The following NIPBL variants were observed in gnomAD, a reference collection of about 807,000 sequenced individuals.
NIPBL encodes NIPBL cohesin loading factor.
Under a neutral mutation model 321.8 loss-of-function variants are expected in NIPBL, and 19 were observed. The observed-to-expected ratio is 0.06, with a 90% CI of 0.04 to 0.09. The LOEUF (loss-of-function observed/expected upper bound fraction) is 0.09, where lower values mean the gene tolerates loss of function less well. Among genes scored for constraint, NIPBL ranks in the 10% least tolerant of loss-of-function variants. The probability of loss-of-function intolerance (pLI) is 1.00; values close to 1 mark genes in which losing one functional copy is unlikely to be tolerated. For missense variants in NIPBL, 2,210 were observed against 3,327.0 expected (o/e 0.66, Z 8.26); for synonymous variants, 1,106 against 1,114.1 (o/e 0.99, Z 0.14).
At chr5:36,992,724 TTA>T in intron 10 of NIPBL, among the ~76,000 whole-genome samples, 1 of 142,882 alleles carries the variant, frequency 7.0e-6, no homozygotes, top group African/African-American at 2.5e-5. Context: ...ATTTATTTAT[TTA>T]TTTATTTATT....
intron 24 of NIPBL, among the ~76,000 whole-genome samples, chr5:37,017,608 C>CT (rs60984195): frequency 0.02 from 2,688 of 132,278 alleles, 33 homozygotes; most frequent in Middle Eastern, 0.057. Context: ...TGTTTTATTG[C>CT]TTTTTTTTTT....
chr5:36,921,888 TTTTG>T (rs1448168954), intron 1 of NIPBL, among the ~76,000 whole-genome samples: 20 of 144,822 alleles, frequency 1.4e-4, no homozygotes, highest in Admixed American at 4.9e-4. Flanking sequence ...TTTGGGTTTT[TTTTG>T]TTTTTTTTTT....
At chr5:36,957,875 C>T (rs944492944) in intron 3 of NIPBL, among the ~76,000 whole-genome samples, 2 of 151,660 alleles carry the variant, frequency 1.3e-5, no homozygotes, top group Non-Finnish European at 2.9e-5. Flanking sequence ...CCCAGCTACT[C>T]GGGAGGCTGA....
intron 32 of NIPBL, among the ~76,000 whole-genome samples, chr5:37,033,705 C>CACATATAT (rs1415570935): frequency 1.0e-4 from 8 of 80,240 alleles, no homozygotes; most frequent in Non-Finnish European, 1.6e-4. Flanking sequence ...CACACACACA[C>CACATATAT]ATATATATAT....
At chr5:36,977,558 G>C (rs1365991909) in intron 9 of NIPBL, among the ~76,000 whole-genome samples, 1 of 150,220 alleles carries the variant, frequency 6.7e-6, no homozygotes, top group Non-Finnish European at 1.5e-5. Flanking sequence ...ATTGCTAGAA[G>C]TCTTCATTTT....
intron 1 of NIPBL, among the ~76,000 whole-genome samples, chr5:36,887,199 A>T (rs1372146730): frequency 6.6e-6 from 1 of 152,180 alleles, no homozygotes; most frequent in African/African-American, 2.4e-5. Context: ...TTAATTCTCT[A>T]CCAAGCATGT....
chr5:37,005,539 T>C (rs1420831515), intron 16 of NIPBL, among the ~76,000 whole-genome samples: 1 of 152,152 alleles, frequency 6.6e-6, no homozygotes, highest in Non-Finnish European at 1.5e-5. Context: ...CAAACAGCAA[T>C]GTTCGCATCA....
chr5:36,966,051 A>G (rs1742166950), intron 6 of NIPBL, among the ~76,000 whole-genome samples: 1 of 152,226 alleles, frequency 6.6e-6, no homozygotes, highest in African/African-American at 2.4e-5. Context: ...ATATTCTCCT[A>G]TATAAAAAAT....
chr5:36,984,732 A>G lies in NIPBL; in HGVS notation c.1552A>G (p.Thr518Ala), dbSNP rs745359483. The change falls in exon 10 of 47, where the codon ACA becomes GCA. Residue 518 changes from threonine (T) to alanine (A), a missense_variant. By Grantham distance (58) the Thr-to-Ala change is moderately conservative. Coordinates refer to ENST00000282516, the MANE Select transcript of NIPBL (RefSeq NM_133433.4). ...DSYPQEAGGA[T>A]GGNRPASQET... ...TTACCCACAGGAGGCTGGGGGTGCT[A>G]CAGGAGGTAATAGACCAGCTTCTCA... The G allele has an allele frequency of 1.3e-5, 21 of 1,613,226 alleles. No homozygotes were observed. Among genetic ancestry groups the G allele is most frequent in the Admixed American group, 3.3e-5 (2 of 59,888 alleles).
chr5:36,902,329 T>C (rs973543897), intron 1 of NIPBL, among the ~76,000 whole-genome samples: 1 of 152,196 alleles, frequency 6.6e-6, no homozygotes, highest in Non-Finnish European at 1.5e-5. Flanking sequence ...ATGAAATCTT[T>C]GCCAGGGCTG....
In NIPBL at chr5:37,051,897, T is replaced by G. The variant is rs1464377036; in HGVS notation, c.7062+11T>G. ...GCTGGATTCATTCATGTATGTATTT[T>G]AACATTTTATAACCTAAATTTAAAC... On this transcript the variant is annotated intron_variant, in intron 41 of 46. Coordinates refer to ENST00000282516, the MANE Select transcript of NIPBL (RefSeq NM_133433.4). The G allele has an allele frequency of 1.4e-5, 21 of 1,546,756 alleles. No individual in the cohort carries two copies. Among genetic ancestry groups the G allele is most frequent in the Non-Finnish European group, 1.8e-5 (20 of 1,118,696 alleles).
intron 6 of NIPBL, among the ~76,000 whole-genome samples, chr5:36,965,268 A>C (rs951635590): frequency 1.3e-5 from 2 of 152,158 alleles, no homozygotes; most frequent in Non-Finnish European, 2.9e-5. Flanking sequence ...AAAATATGGA[A>C]TCAACCTAAG....
chr5:37,030,324 T>C (rs945845109), intron 32 of NIPBL, among the ~76,000 whole-genome samples: 1 of 152,300 alleles, frequency 6.6e-6, no homozygotes, highest in East Asian at 1.9e-4. Context: ...ATTGTGACTT[T>C]GTGATATATT....
intron 6 of NIPBL, among the ~76,000 whole-genome samples, chr5:36,966,473 C>T (rs1742215942): frequency 6.6e-6 from 1 of 152,022 alleles, no homozygotes. Flanking sequence ...TTATCATTAT[C>T]ATAAAATGGT....
intron 42 of NIPBL, among the ~76,000 whole-genome samples, chr5:37,053,741 TA>T: frequency 6.6e-6 from 1 of 152,364 alleles, no homozygotes; most frequent in Middle Eastern, 3.4e-3. Context: ...GAATATTCTT[TA>T]AAGTTTACCT....
Position 36,958,212 on chromosome 5 carries a change from G to A in NIPBL, c.339G>A (p.Gln113=), listed in dbSNP as rs759882900. Residue 113 remains glutamine, a synonymous_variant, in exon 4 of 47, where the codon CAG becomes CAA. Coordinates refer to ENST00000282516, the MANE Select transcript of NIPBL (RefSeq NM_133433.4). ...ATGTTTTCAGGGAGAAAAGCATGCA[G>A]AACAGATATGTACAAAGTGGTGAGT... is the stretch of plus-strand genomic sequence containing the variant. ...SPNVFREKSM[Q]NRYVQSGMMM... 2 of 1,613,694 alleles carry A rather than the reference G, an allele frequency of 1.2e-6. No homozygotes were observed. Among genetic ancestry groups the A allele is most frequent in the South Asian group, 2.2e-5 (2 of 91,074 alleles).
rs77041625 is a variant in NIPBL, at chr5:36,951,826, C to T, written c.-79-1792C>T. Among the ~76,000 whole-genome samples, 624 of 151,832 alleles carry T rather than the reference C, an allele frequency of 4.1e-3. 10 individuals carry two copies. Among genetic ancestry groups the T allele is most frequent in the African/African-American group, 0.015 (613 of 41,412 alleles). The stretch of plus-strand genomic sequence containing the variant: ...TGCTAGAAATTTTGTCAGTCATTCA[C>T]CAAAGGAAAGTAATGTTTTTTCCCT... On this transcript the variant is annotated intron_variant, in intron 1 of 46. Coordinates refer to ENST00000282516, the MANE Select transcript of NIPBL (RefSeq NM_133433.4).
At chr5:37,058,823 A>G in intron 43 of NIPBL, 68 bp from the exon 44 acceptor site, 8 of 1,432,322 alleles carry the variant, frequency 5.6e-6, no homozygotes, top group Non-Finnish European at 7.8e-6. Flanking sequence ...AAGCTGTTGA[A>G]TGGAGCATAC....
At position 37,064,976 on chromosome 5, in the gene NIPBL, A is replaced by T; in HGVS notation, c.*84A>T. Reference sequence around the variant, plus strand: ...AATACCAACATTCTGGCAAAAAAAAATCAGTTTTATGAAGAGTAAGTGGAA... The same window carrying T: ...AATACCAACATTCTGGCAAAAAAAATTCAGTTTTATGAAGAGTAAGTGGAA... On this transcript the variant is annotated 3_prime_UTR_variant, in exon 47 of 47. Coordinates refer to ENST00000282516, the MANE Select transcript of NIPBL (RefSeq NM_133433.4). 6.4e-7 allele frequency: 1 copy of T among 1,553,402 alleles called. No individual in the cohort carries two copies. The highest frequency in any genetic ancestry group is 8.8e-7 in the Non-Finnish European group (1 of 1,132,620).
Sources: allele counts gnomAD v4.1 joint callset (sites outside exome capture counted in the v4.1 genomes callset), GRCh38; gene constraint gnomAD v4.1.1; transcripts MANE v1.5; gene names NCBI Gene and HGNC (gene_info 2026-07-23, HGNC 2026-07-21).